GCN1: variants seen among roughly 807,000 people sequenced by gnomAD.
GCN1 encodes the protein stalled ribosome sensor GCN1.
GCN1 carries 90 observed loss-of-function variants against 288.4 expected under a neutral mutation model. That is an observed-to-expected ratio of 0.31 (90% CI 0.26 to 0.37). GCN1 has a LOEUF of 0.37. Among genes scored for constraint, GCN1 ranks in the 10% least tolerant of loss-of-function variants. The pLI, the probability that GCN1 is intolerant of heterozygous loss-of-function variation, is 1.00. For synonymous variants in GCN1, 1,386 were observed against 1,420.2 expected (o/e 0.98, Z 0.54); for missense variants, 2,586 against 3,419.9 (o/e 0.76, Z 6.08).
intron 34 of GCN1, among the ~76,000 whole-genome samples, chr12:120,150,783 A>G (rs1877520696): frequency 6.6e-6 from 1 of 151,670 alleles, no homozygotes; most frequent in Non-Finnish European, 1.5e-5. Flanking sequence ...TAAAAATACA[A>G]AAAATTAGCC....
intron 4 of GCN1, 124 bp downstream of exon 4, chr12:120,183,988 G>C (rs1878745756): frequency 9.8e-6 from 9 of 919,828 alleles, no homozygotes; most frequent in Admixed American, 2.5e-5. Context: ...TGCTCCTCGG[G>C]AAAGTGGTTT....
chr12:120,163,289 TA>T, intron 18 of GCN1, 30 bp from the exon 19 acceptor site: 1 of 1,569,548 alleles, frequency 6.4e-7, no homozygotes, highest in Non-Finnish European at 8.8e-7. Context: ...ATAATACTGC[TA>T]AGAGCCCTGT....
intron 1 of GCN1, among the ~76,000 whole-genome samples, chr12:120,193,242 C>T (rs549329349): frequency 1.3e-4 from 20 of 152,232 alleles, no homozygotes; most frequent in Non-Finnish European, 2.2e-4. Context: ...CCACCCAATA[C>T]GGTAGCCACT....
chr12:120,164,577 C>A, intron 17 of GCN1, 69 bp downstream of exon 17: 1 of 1,596,720 alleles, frequency 6.3e-7, no homozygotes, highest in Non-Finnish European at 8.6e-7. Flanking sequence ...TGCCACACAC[C>A]CTTTCTCGGG....
intron 34 of GCN1, 90 bp downstream of exon 34, chr12:120,151,055 C>T: frequency 6.9e-7 from 1 of 1,448,310 alleles, no homozygotes; most frequent in Non-Finnish European, 9.5e-7. Flanking sequence ...GCAACGGCCT[C>T]CACCTGGGGC....
rs971642328 is a variant in GCN1, at chr12:120,153,605, C to T, written c.3867+139G>A. On this transcript the variant is annotated intron_variant, in intron 32 of 57. Coordinates refer to ENST00000300648, the MANE Select transcript of GCN1 (RefSeq NM_006836.2). This position sits in a 1 kb window ranked among gnomAD's most constrained non-coding sequence, Gnocchi z 4.4. ...TAACACACTATCATGGTCTTTTTGG[C>T]TCAAAGTGCTCTGCCAGGACTCTTG... 5.4e-6 allele frequency: 5 copies of T among 928,742 alleles called. No homozygotes were observed. The highest frequency in any genetic ancestry group is 8.2e-6 in the Non-Finnish European group (5 of 607,022). The allele number at this position is 928,742 out of a possible 1,614,324, so 57.5% of individuals were successfully genotyped here.
chr12:120,127,980 G>A lies in GCN1; in HGVS notation c.7891-6C>T. 1.2e-6 allele frequency: 2 copies of A among 1,613,926 alleles called. No individual in the cohort carries two copies. The highest frequency in any genetic ancestry group is 1.7e-6 in the Non-Finnish European group (2 of 1,179,830). ...TCCAGGATCTTGGAGAGGGACTGTGGGGAAGGATGAGCAGGAGGAAACATA... is the reference window on the plus strand; with the variant it reads ...TCCAGGATCTTGGAGAGGGACTGTGAGGAAGGATGAGCAGGAGGAAACATA... On this transcript the variant is annotated splice_region_variant and splice_polypyrimidine_tract_variant and intron_variant, in intron 57 of 57. Transcript: ENST00000300648.
At chr12:120,183,006 T>G (rs957174981) in intron 5 of GCN1, among the ~76,000 whole-genome samples, 1 of 149,818 alleles carries the variant, frequency 6.7e-6, no homozygotes, top group Non-Finnish European at 1.5e-5. Context: ...ACACTAAGCC[T>G]ACCCAGGCAC....
chr12:120,157,629 AC>A (rs1877790992), intron 26 of GCN1, among the ~76,000 whole-genome samples: 1 of 152,280 alleles, frequency 6.6e-6, no homozygotes, highest in Non-Finnish European at 1.5e-5. Context: ...ACTGACATGT[AC>A]TGGCATGGCA....
chr12:120,162,901 G>A lies in GCN1; in HGVS notation c.2109C>T (p.Thr703=). ...RMKIDPEAFI[T]RHLDQIIPRM... The stretch of plus-strand genomic sequence containing the variant: ...TGGGAATGATCTGATCCAGGTGCCT[G>A]GTGATAAAGGCTTCAGGATCGATCT... The change falls in exon 20 of 58, where the codon ACC becomes ACT. Residue 703 remains threonine (T), a synonymous_variant. Coordinates refer to ENST00000300648, the MANE Select transcript of GCN1 (RefSeq NM_006836.2). 4 of 1,614,136 alleles carry A rather than the reference G, an allele frequency of 2.5e-6. No individual in the cohort carries two copies. The South Asian group carries it at 3.3e-5, about 13-fold the overall frequency.
chr12:120,154,002 T>C, intron 31 of GCN1, 93 bp from the exon 32 acceptor site: 3 of 1,078,808 alleles, frequency 2.8e-6, no homozygotes, highest in East Asian at 2.5e-5. Flanking sequence ...GAGAGGGAGC[T>C]TGCCTGAGGC....
rs1404054895 is a variant in GCN1 at position 120,144,101 on chromosome 12, T to C, written c.5495+205A>G. On this transcript the variant is annotated intron_variant, in intron 42 of 57. Coordinates refer to ENST00000300648, the MANE Select transcript of GCN1 (RefSeq NM_006836.2). This position sits in a 1 kb window ranked among gnomAD's most constrained non-coding sequence, Gnocchi z 4.7. ...AAGTGATCCTTCCGCCTCAGCCTCC[T>C]GTGTAGCTGGGATTACAGGTGTGCA... Among the ~76,000 whole-genome samples the C allele has an allele frequency of 3.3e-5, 5 of 152,212 alleles. No individual in the cohort carries two copies. Among genetic ancestry groups the C allele is most frequent in the African/African-American group, 1.2e-4 (5 of 41,470 alleles).
intron 20 of GCN1, 51 bp downstream of exon 20, chr12:120,162,796 G>A: frequency 6.3e-7 from 1 of 1,596,186 alleles, no homozygotes. Flanking sequence ...ACACTGTGAT[G>A]AGAGGGCCCC....
intron 14 of GCN1, among the ~76,000 whole-genome samples, chr12:120,170,854 C>A (rs1878291098): frequency 6.6e-6 from 1 of 150,752 alleles, no homozygotes; most frequent in East Asian, 2.0e-4. Context: ...GACCTCTGAA[C>A]TAAACTCTTT....
At chr12:120,130,032 G>A (rs1876764802) in intron 56 of GCN1, among the ~76,000 whole-genome samples, 1 of 152,184 alleles carries the variant, frequency 6.6e-6, no homozygotes, top group Non-Finnish European at 1.5e-5. Context: ...GTGCTGCGGG[G>A]GGAGGCAGTC....
intron 15 of GCN1, among the ~76,000 whole-genome samples, chr12:120,169,278 A>G (rs56713921): frequency 0.3 from 35,792 of 119,830 alleles, 6,290 homozygotes; most frequent in East Asian, 0.56. Flanking sequence ...CTCCGTCTCA[A>G]AAAAAAAAAA....
intron 26 of GCN1, 88 bp downstream of exon 26, chr12:120,157,761 G>A: frequency 9.5e-7 from 1 of 1,047,492 alleles, no homozygotes; most frequent in South Asian, 1.5e-5. Context: ...TTCCCCACCA[G>A]GAACTGTTCA....
At chr12:120,160,735 C>T (rs1488534957) in intron 22 of GCN1, among the ~76,000 whole-genome samples, 1 of 152,198 alleles carries the variant, frequency 6.6e-6, no homozygotes, top group East Asian at 1.9e-4. Context: ...CTGGATTGTG[C>T]CAGGCACTGT....
Position 120,151,156 on chromosome 12 carries a change from C to T in GCN1, c.4298G>A (p.Arg1433His), listed in dbSNP as rs1373323275. Residue 1433 changes from arginine (R) to histidine (H), a missense_variant, in exon 34 of 58, where the codon CGC becomes CAC. Arg to His is a conservative substitution (Grantham distance 29, BLOSUM62 0). Transcript: ENST00000300648. ...TCAGAGATGCTCACCCTCTCGCCGG[C>T]GGAAGTTCTTCTTATCTTGGATGGC... ...TDAIQDKKNFRRREGALFAFE... is the reference protein window; with the variant it reads ...TDAIQDKKNFHRREGALFAFE... 4.3e-6 allele frequency: 7 copies of T among 1,613,292 alleles called. No homozygotes were observed. Among genetic ancestry groups the T allele is most frequent in the Admixed American group, 1.7e-5 (1 of 60,004 alleles).
Sources: allele counts gnomAD v4.1 joint callset (sites outside exome capture counted in the v4.1 genomes callset), GRCh38; gene constraint gnomAD v4.1.1; non-coding constraint Gnocchi (gnomAD v3.1); transcripts MANE v1.5; gene names NCBI Gene and HGNC (gene_info 2026-07-23, HGNC 2026-07-21).